The following PDE7B variants were observed in gnomAD, a reference collection of about 807,000 sequenced individuals.
PDE7B encodes the protein phosphodiesterase 7B, also known as 3',5'-cyclic-AMP phosphodiesterase 7B.
A neutral mutation model predicts 56.2 loss-of-function variants in PDE7B; 29 were observed. That is an observed-to-expected ratio of 0.52 (90% confidence interval 0.38 to 0.70). PDE7B has a LOEUF of 0.70. Ranked by LOEUF, PDE7B falls within the 30% of genes least tolerant of loss-of-function variation. PDE7B has a pLI of 0.00. For synonymous variants in PDE7B, 197 were observed against 196.9 expected (o/e 1.00, Z 0.00); for missense variants, 490 against 565.0 (o/e 0.87, Z 1.35).
chr6:135,905,501 G>A (rs1261865746), intron 1 of PDE7B, among the ~76,000 whole-genome samples: 1 of 151,890 alleles, frequency 6.6e-6, no homozygotes, highest in East Asian at 1.9e-4. Context: ...CATCCAATAC[G>A]GTCTCCTTTC....
intron 2 of PDE7B, among the ~76,000 whole-genome samples, chr6:135,986,004 T>G (rs560657970): frequency 6.6e-6 from 1 of 152,350 alleles, no homozygotes; most frequent in South Asian, 2.1e-4. Context: ...ATTATAATGC[T>G]GTTACTCCTC....
chr6:136,030,716 C>A (rs973222716), intron 2 of PDE7B, among the ~76,000 whole-genome samples: 3 of 152,190 alleles, frequency 2.0e-5, no homozygotes, highest in Non-Finnish European at 4.4e-5. Flanking sequence ...GCAGGTCTTG[C>A]TGAAAGTATC....
intron 2 of PDE7B, among the ~76,000 whole-genome samples, chr6:135,979,222 G>A (rs1775249881): frequency 6.6e-6 from 1 of 151,696 alleles, no homozygotes; most frequent in South Asian, 2.1e-4. Flanking sequence ...TCCCAGGGAT[G>A]AAGCCCACTT....
At chr6:136,152,659 T>A (rs1174120754) in intron 6 of PDE7B, among the ~76,000 whole-genome samples, 1 of 152,224 alleles carries the variant, frequency 6.6e-6, no homozygotes, top group Non-Finnish European at 1.5e-5. Context: ...AGTGAATTTT[T>A]CAGGGGACAT....
chr6:135,896,199 A>G (rs1323527877), intron 1 of PDE7B, among the ~76,000 whole-genome samples: 2 of 152,078 alleles, frequency 1.3e-5, no homozygotes, highest in Non-Finnish European at 2.9e-5. Context: ...GTGCTGATGA[A>G]CTCAATCTAG....
At chr6:136,178,969 T>C in intron 9 of PDE7B, 28 bp from the exon 10 acceptor site, 2 of 1,613,036 alleles carry the variant, frequency 1.2e-6, no homozygotes, top group East Asian at 4.5e-5. Flanking sequence ...TTTGTGTGTG[T>C]TTTTCTCTTT....
Position 135,948,157 on chromosome 6 carries a change from C to T in PDE7B, c.82+633C>T, listed in dbSNP as rs1346520174. Among the ~76,000 whole-genome samples the T allele has an allele frequency of 3.3e-5, 5 of 151,986 alleles. No individual in the cohort carries two copies. In the East Asian group the frequency reaches 7.7e-4, roughly 23 times the overall value. On this transcript the variant is annotated intron_variant, in intron 2 of 12. Transcript: ENST00000308191. Reference sequence around the variant, plus strand: ...AATTATAGAGAATATAAGTGATGCACTTAACCTCAAAGTGAGAAATGGTCC... The same window carrying T: ...AATTATAGAGAATATAAGTGATGCATTTAACCTCAAAGTGAGAAATGGTCC...
chr6:136,120,969 A>T (rs1234497206), intron 3 of PDE7B, among the ~76,000 whole-genome samples: 2 of 152,156 alleles, frequency 1.3e-5, no homozygotes, highest in Non-Finnish European at 2.9e-5. Flanking sequence ...TGCACACTGA[A>T]AAACAAGAAA....
intron 8 of PDE7B, 140 bp downstream of exon 8, chr6:136,155,898 C>A: frequency 1.1e-6 from 1 of 945,090 alleles, no homozygotes; most frequent in African/African-American, 1.6e-5. Flanking sequence ...AATCTCTGCC[C>A]TCAAAAATTT....
intron 2 of PDE7B, among the ~76,000 whole-genome samples, chr6:136,059,631 T>C (rs369238832): frequency 6.6e-6 from 1 of 152,206 alleles, no homozygotes; most frequent in South Asian, 2.1e-4. Context: ...CATAAATTTA[T>C]AAGTTTTAAT....
chr6:135,980,336 C>T (rs947166498), intron 2 of PDE7B, among the ~76,000 whole-genome samples: 1 of 152,160 alleles, frequency 6.6e-6, no homozygotes, highest in African/African-American at 2.4e-5. Context: ...ACCATAAAAA[C>T]CCTAGAAGAA....
chr6:136,064,281 G>A (rs1188856535), intron 2 of PDE7B: 4 of 152,136 alleles, frequency 2.6e-5, no homozygotes, highest in East Asian at 1.9e-4. Context: ...AATTACTTAC[G>A]ATTATTTTCT....
At chr6:135,889,495 C>T (rs1775770068) in intron 1 of PDE7B, among the ~76,000 whole-genome samples, 1 of 135,194 alleles carries the variant, frequency 7.4e-6, no homozygotes, top group Non-Finnish European at 1.5e-5. Flanking sequence ...TCCAGGAGTG[C>T]AATGACGCAA....
chr6:136,041,729 A>G (rs1273469612), intron 2 of PDE7B, among the ~76,000 whole-genome samples: 2 of 152,234 alleles, frequency 1.3e-5, no homozygotes, highest in East Asian at 3.8e-4. Context: ...GTACCCAATT[A>G]TTTAATTGTG....
At chr6:136,017,082 A>C (rs1775989121) in intron 2 of PDE7B, among the ~76,000 whole-genome samples, 1 of 152,236 alleles carries the variant, frequency 6.6e-6, no homozygotes, top group African/African-American at 2.4e-5. Context: ...TTAGCATAGC[A>C]GCAAATAGCC....
intron 2 of PDE7B, among the ~76,000 whole-genome samples, chr6:136,004,991 G>A (rs1244147807): frequency 6.6e-6 from 1 of 152,084 alleles, no homozygotes; most frequent in South Asian, 2.1e-4. Flanking sequence ...GCATGGTACT[G>A]GTACCAATAC....
At chr6:135,953,693 T>C (rs1418338) in intron 2 of PDE7B, among the ~76,000 whole-genome samples, 73,876 of 151,894 alleles carry the variant, frequency 0.49, 18,800 homozygotes, top group African/African-American at 0.63. Context: ...AAATATTAAA[T>C]GATCTCAATT....
chr6:135,999,228 G>C (rs1388397230), intron 2 of PDE7B, among the ~76,000 whole-genome samples: 1 of 152,018 alleles, frequency 6.6e-6, no homozygotes, highest in African/African-American at 2.4e-5. Flanking sequence ...AAAATCACAG[G>C]CTTCATAAGC....
intron 2 of PDE7B, among the ~76,000 whole-genome samples, chr6:136,042,086 A>C (rs962259540): frequency 6.6e-6 from 1 of 152,218 alleles, no homozygotes; most frequent in African/African-American, 2.4e-5. Context: ...AAGTCAAAGG[A>C]TTGTGTCTCG....
Sources: allele counts gnomAD v4.1 joint callset (sites outside exome capture counted in the v4.1 genomes callset), GRCh38; gene constraint gnomAD v4.1.1; transcripts MANE v1.5; gene names NCBI Gene and HGNC (gene_info 2026-07-23, HGNC 2026-07-21).